MIDEAS: variants seen among roughly 807,000 people sequenced by gnomAD.
MIDEAS encodes mitotic deacetylase-associated SANT domain protein.
Under a neutral mutation model 102.7 loss-of-function variants are expected in MIDEAS, and 26 were observed. The ratio of observed to expected loss-of-function variants is 0.25; its 90% CI spans 0.19 to 0.35. The LOEUF is 0.35. Ranked by LOEUF, MIDEAS falls within the 10% of genes least tolerant of loss-of-function variation. The pLI, the probability that MIDEAS is intolerant of heterozygous loss-of-function variation, is 1.00. For missense variants in MIDEAS, 1,231 were observed against 1,435.6 expected, an observed-to-expected ratio of 0.86 and a Z score of 2.30; for synonymous variants, 585 against 591.0, an observed-to-expected ratio of 0.99 and a Z score of 0.15.
chr14:73,785,777 G>A (rs1354541985), intron 1 of MIDEAS, among the ~76,000 whole-genome samples: 2 of 152,308 alleles, frequency 1.3e-5, no homozygotes, highest in East Asian at 3.9e-4. Context: ...ATAGTTTTCA[G>A]GCTGCCTAAG....
chr14:73,735,447 C>T (rs1258381823), intron 3 of MIDEAS, among the ~76,000 whole-genome samples: 1 of 152,182 alleles, frequency 6.6e-6, no homozygotes, highest in Non-Finnish European at 1.5e-5. Flanking sequence ...AAGTGATCCA[C>T]CTGCCTTGGC....
At chr14:73,727,174 G>T in intron 5 of MIDEAS, 1 of 670,668 alleles carries the variant, frequency 1.5e-6, no homozygotes, top group Non-Finnish European at 2.5e-6. Context: ...CTGGAGAGGG[G>T]AGAAGCAGCT....
intron 1 of MIDEAS, among the ~76,000 whole-genome samples, chr14:73,782,050 G>A (rs34533984): frequency 0.13 from 19,381 of 152,130 alleles, 1,898 homozygotes; most frequent in African/African-American, 0.28. Context: ...TAAAAAACAG[G>A]AATCTACCAG....
upstream of MIDEAS, among the ~76,000 whole-genome samples, chr14:73,764,281 A>G (rs1397134895): frequency 2.1e-5 from 3 of 144,706 alleles, no homozygotes; most frequent in Admixed American, 2.1e-4. Flanking sequence ...TGGAGGTTGC[A>G]GTGAGCCCAG....
intron 10 of MIDEAS, among the ~76,000 whole-genome samples, chr14:73,722,193 T>G (rs1405433484): frequency 6.6e-6 from 1 of 152,226 alleles, no homozygotes; most frequent in African/African-American, 2.4e-5. Context: ...TTCACATATA[T>G]TTTTACCAGT....
intron 1 of MIDEAS, among the ~76,000 whole-genome samples, chr14:73,777,269 C>T (rs564569226): frequency 1.3e-5 from 2 of 152,008 alleles, no homozygotes; most frequent in Admixed American, 6.6e-5. Flanking sequence ...TCAGCAGCAT[C>T]GTCACCATGG....
chr14:73,728,980 T>G (rs1248724995), intron 4 of MIDEAS: 2 of 152,324 alleles, frequency 1.3e-5, no homozygotes, highest in Non-Finnish European at 2.9e-5. Flanking sequence ...CAAAGGCATC[T>G]ATAAGCTAGC....
chr14:73,762,930 G>A (rs752658121), upstream of MIDEAS, among the ~76,000 whole-genome samples: 5 of 152,202 alleles, frequency 3.3e-5, no homozygotes, highest in Non-Finnish European at 7.3e-5. Context: ...AATAAAGGTA[G>A]AATATGGCAA....
chr14:73,778,395 G>A (rs1038189228), intron 1 of MIDEAS, among the ~76,000 whole-genome samples: 6 of 149,404 alleles, frequency 4.0e-5, no homozygotes, highest in East Asian at 3.9e-4. Context: ...GGAAGGTCAC[G>A]ACTGTTGTGG....
At chr14:73,771,371 C>T (rs1422703567) in intron 1 of MIDEAS, among the ~76,000 whole-genome samples, 2 of 152,182 alleles carry the variant, frequency 1.3e-5, no homozygotes, top group Admixed American at 1.3e-4. Context: ...CAAGGTACGC[C>T]GGGGGCTCTC....
rs1240895702 is a variant in MIDEAS at position 73,722,660 on chromosome 14, C to A, written c.2724+38G>T. 3 of 1,606,476 alleles carry A rather than the reference C, an allele frequency of 1.9e-6. No homozygotes were observed. In the East Asian group the frequency reaches 6.7e-5, roughly 36 times the overall value. ...AGCTCAGGCCTGGTCCCAGACCCAG[C>A]CCAGGCTCTATGCAGCTGAGGTTGG... is the stretch of plus-strand genomic sequence containing the variant. On this transcript the variant is annotated intron_variant, in intron 10 of 12. Coordinates refer to ENST00000423556, the MANE Select transcript of MIDEAS (RefSeq NM_001367710.1).
upstream of MIDEAS, among the ~76,000 whole-genome samples, chr14:73,764,024 A>G (rs1270784299): frequency 2.0e-5 from 3 of 152,140 alleles, no homozygotes; most frequent in Non-Finnish European, 4.4e-5. Context: ...CTCCTCCCCA[A>G]CCTAGGTTAT....
chr14:73,732,785 CAAAA>C (rs57681928), intron 3 of MIDEAS, among the ~76,000 whole-genome samples: 4 of 46,072 alleles, frequency 8.7e-5, no homozygotes, highest in Non-Finnish European at 1.7e-4. Flanking sequence ...GACTCCCTCT[CAAAA>C]AAAAAAAAAA....
At chr14:73,743,866 C>T (rs910451738) in intron 1 of MIDEAS, among the ~76,000 whole-genome samples, 6 of 152,090 alleles carry the variant, frequency 3.9e-5, no homozygotes, top group Admixed American at 1.3e-4. Flanking sequence ...TTGACTGTCA[C>T]GCTCTATTCA....
chr14:73,756,935 T>C (rs190484814), intron 1 of MIDEAS, among the ~76,000 whole-genome samples: 3 of 152,146 alleles, frequency 2.0e-5, no homozygotes, highest in African/African-American at 4.8e-5. Flanking sequence ...ACATGACAAG[T>C]ACACATTTTT....
At chr14:73,749,436 T>G (rs976890521) in intron 1 of MIDEAS, among the ~76,000 whole-genome samples, 2 of 151,034 alleles carry the variant, frequency 1.3e-5, no homozygotes, top group Non-Finnish European at 2.9e-5. Flanking sequence ...CTCAGGAAGC[T>G]GAGGCAGGAG....
intron 1 of MIDEAS, among the ~76,000 whole-genome samples, chr14:73,781,394 G>T (rs2053755927): frequency 6.6e-6 from 1 of 152,172 alleles, no homozygotes; most frequent in African/African-American, 2.4e-5. Context: ...TCAGAAATAT[G>T]TAAATCCCAG....
At chr14:73,743,789 A>T (rs914605923) in intron 1 of MIDEAS, among the ~76,000 whole-genome samples, 1 of 152,088 alleles carries the variant, frequency 6.6e-6, no homozygotes, top group Non-Finnish European at 1.5e-5. Flanking sequence ...GGATGCAGGA[A>T]CACTGCAAAA....
intron 1 of MIDEAS, among the ~76,000 whole-genome samples, chr14:73,741,602 C>T (rs1471522558): frequency 6.6e-6 from 1 of 152,162 alleles, no homozygotes; most frequent in Non-Finnish European, 1.5e-5. Context: ...GTTTGCAGTT[C>T]GGCCCACCCC....
Sources: allele counts gnomAD v4.1 joint callset (sites outside exome capture counted in the v4.1 genomes callset), GRCh38; gene constraint gnomAD v4.1.1; transcripts MANE v1.5; gene names NCBI Gene and HGNC (gene_info 2026-07-23, HGNC 2026-07-21).